TMEM132B: variants seen among roughly 807,000 people sequenced by gnomAD.
The protein encoded by TMEM132B is transmembrane protein 132B.
A neutral mutation model predicts 90.8 loss-of-function variants in TMEM132B; 18 were observed. The ratio of observed to expected loss-of-function variants is 0.20; its 90% CI spans 0.14 to 0.29. The LOEUF is 0.29. TMEM132B is among the 10% of genes least tolerant of loss of function. The probability of loss-of-function intolerance (pLI) is 1.00; values close to 1 mark genes in which losing one functional copy is unlikely to be tolerated. For synonymous variants in TMEM132B, 504 were observed against 523.3 expected, an observed-to-expected ratio of 0.96 and a Z score of 0.50; for missense variants, 1,096 against 1,326.8, an observed-to-expected ratio of 0.83 and a Z score of 2.70.
intron 5 of TMEM132B, among the ~76,000 whole-genome samples, chr12:125,616,207 C>A (rs578221204): frequency 6.6e-6 from 1 of 150,904 alleles, no homozygotes; most frequent in African/African-American, 2.4e-5. Flanking sequence ...TTTGTCCTTG[C>A]GATAGTTTGC....
intron 1 of TMEM132B, among the ~76,000 whole-genome samples, chr12:125,289,288 C>T (rs1192401317): frequency 6.6e-6 from 1 of 152,210 alleles, no homozygotes; most frequent in African/African-American, 2.4e-5. Context: ...TCTCTTCTTC[C>T]TAAAATGAAG....
intron 4 of TMEM132B, among the ~76,000 whole-genome samples, chr12:125,575,057 C>CAT (rs147688714): frequency 0.022 from 970 of 43,848 alleles, 213 homozygotes; most frequent in South Asian, 0.088. Flanking sequence ...TATTAGCTGT[C>CAT]ATATATATAT....
In TMEM132B at chr12:125,554,870, C is replaced by G. The variant is rs558986543; in HGVS notation, c.1294-28981C>G. On this transcript the variant is annotated intron_variant, in intron 4 of 8. Transcript: ENST00000682704. ...TTTAATTTTACTTTGTATTTCTTTG[C>G]TGCACTTTCCTCTTTGTTGGCGAGT... Among the ~76,000 whole-genome samples, 96 of 152,254 alleles carry G rather than the reference C, an allele frequency of 6.3e-4. 1 individual carries two copies. Among genetic ancestry groups the G allele is most frequent in the African/African-American group, 2.1e-3 (89 of 41,546 alleles).
intron 1 of TMEM132B, among the ~76,000 whole-genome samples, chr12:125,308,611 A>T (rs1367345178): frequency 6.6e-6 from 1 of 152,202 alleles, no homozygotes; most frequent in East Asian, 1.9e-4. Context: ...CAGGATGTGA[A>T]AAACCTTTCT....
At chr12:125,293,143 G>A (rs1875585123) in intron 1 of TMEM132B, among the ~76,000 whole-genome samples, 1 of 152,184 alleles carries the variant, frequency 6.6e-6, no homozygotes, top group African/African-American at 2.4e-5. Context: ...GATGGCCAGG[G>A]ATGTGGTACA....
intron 1 of TMEM132B, among the ~76,000 whole-genome samples, chr12:125,338,777 GA>G (rs1410458060): frequency 6.6e-6 from 1 of 152,170 alleles, no homozygotes; most frequent in East Asian, 1.9e-4. Flanking sequence ...TTTATTTGCA[GA>G]TATCCTCCCT....
chr12:125,212,691 T>C (rs1226114992), intron 1 of TMEM132B, among the ~76,000 whole-genome samples: 1 of 151,866 alleles, frequency 6.6e-6, no homozygotes, highest in Admixed American at 6.6e-5. Flanking sequence ...CGAAACTCCG[T>C]CTAAAAAAAA....
At chr12:125,455,632 C>T (rs368992350) in intron 3 of TMEM132B, among the ~76,000 whole-genome samples, 75 of 150,962 alleles carry the variant, frequency 5.0e-4, no homozygotes, top group African/African-American at 1.7e-3. Flanking sequence ...CATTTCTACA[C>T]GTCGTTGTCC....
At chr12:125,475,491 C>G (rs1190149290) in intron 3 of TMEM132B, among the ~76,000 whole-genome samples, 1 of 152,118 alleles carries the variant, frequency 6.6e-6, no homozygotes, top group African/African-American at 2.4e-5. Flanking sequence ...GCAGACCCAG[C>G]CTTAATCTGG....
intron 1 of TMEM132B, among the ~76,000 whole-genome samples, chr12:125,307,364 A>G (rs1333060719): frequency 5.9e-5 from 9 of 152,114 alleles, no homozygotes; most frequent in Non-Finnish European, 1.3e-4. Flanking sequence ...AAATACGACT[A>G]ATGTGTTTCA....
intron 1 of TMEM132B, among the ~76,000 whole-genome samples, chr12:125,216,640 G>A (rs1455237838): frequency 6.6e-6 from 1 of 152,204 alleles, no homozygotes; most frequent in Admixed American, 6.5e-5. Flanking sequence ...CTCTGTGAGT[G>A]TGGGCAAATT....
chr12:125,450,761 G>A (rs530400901), intron 3 of TMEM132B, among the ~76,000 whole-genome samples: 9 of 152,234 alleles, frequency 5.9e-5, no homozygotes, highest in Non-Finnish European at 7.4e-5. Context: ...GTAATTTTAC[G>A]TTGGTGAAAC....
intron 1 of TMEM132B, among the ~76,000 whole-genome samples, chr12:125,232,116 G>A (rs1873840784): frequency 6.6e-6 from 1 of 152,142 alleles, no homozygotes; most frequent in Admixed American, 6.5e-5. Flanking sequence ...TAATAGCTGT[G>A]TAGTGGTCAT....
intron 5 of TMEM132B, among the ~76,000 whole-genome samples, chr12:125,626,426 T>C (rs897003709): frequency 6.6e-6 from 1 of 152,208 alleles, no homozygotes; most frequent in Non-Finnish European, 1.5e-5. Context: ...CTGGATCATA[T>C]GGTAGTTCAA....
At chr12:125,454,822 AC>A (rs1881249362) in intron 3 of TMEM132B, among the ~76,000 whole-genome samples, 1 of 152,210 alleles carries the variant, frequency 6.6e-6, no homozygotes, top group South Asian at 2.1e-4. Flanking sequence ...CATGATAGAA[AC>A]TGTGAACTAT....
chr12:125,301,418 G>C (rs1875821096), intron 1 of TMEM132B: 1 of 152,290 alleles, frequency 6.6e-6, no homozygotes. Context: ...CACCAGCCCT[G>C]TGCCCAGCTC....
intron 5 of TMEM132B, among the ~76,000 whole-genome samples, chr12:125,643,077 G>A (rs1214488281): frequency 1.3e-5 from 2 of 152,182 alleles, no homozygotes; most frequent in Admixed American, 6.5e-5. Context: ...AGTTGGGCAC[G>A]TGTGTCTGGG....
Position 125,458,469 on chromosome 12 carries a change from C to T in TMEM132B, c.1106+42792C>T, listed in dbSNP as rs755174044. Among the ~76,000 whole-genome samples the T allele has an allele frequency of 2.6e-5, 4 of 152,134 alleles. No individual in the cohort carries two copies. The highest frequency in any genetic ancestry group is 6.5e-5 in the Admixed American group (1 of 15,286). On this transcript the variant is annotated intron_variant, in intron 3 of 8. Transcript: ENST00000682704. The surrounding 1 kb of genome is among the most constrained non-coding windows in gnomAD (Gnocchi z 4.9). ...AAACAAACCAGGCTGGGACCCCAGGCGACCAGCAGGGGTCATTTGGTTTCA... is the reference window on the plus strand; with the variant it reads ...AAACAAACCAGGCTGGGACCCCAGGTGACCAGCAGGGGTCATTTGGTTTCA...
chr12:125,286,320 G>A (rs1031641275), intron 1 of TMEM132B, among the ~76,000 whole-genome samples: 2 of 152,208 alleles, frequency 1.3e-5, no homozygotes, highest in African/African-American at 4.8e-5. Flanking sequence ...CACTGGCACA[G>A]AACTAAGCCC....
Sources: allele counts gnomAD v4.1 joint callset (sites outside exome capture counted in the v4.1 genomes callset), GRCh38; gene constraint gnomAD v4.1.1; non-coding constraint Gnocchi (gnomAD v3.1); transcripts MANE v1.5; gene names NCBI Gene and HGNC (gene_info 2026-07-23, HGNC 2026-07-21).